RNF121: variants seen among roughly 807,000 people sequenced by gnomAD.
RNF121 encodes ring finger protein 121.
A neutral mutation model predicts 46.5 loss-of-function variants in RNF121; 21 were observed. The observed-to-expected ratio is 0.45, with a 90% CI of 0.32 to 0.65. The LOEUF is 0.65. RNF121 is among the 30% of genes least tolerant of loss of function. The pLI, the probability that RNF121 is intolerant of heterozygous loss-of-function variation, is 0.04. For missense variants in RNF121, 346 were observed against 416.0 expected (o/e 0.83, Z 1.46); for synonymous variants, 139 against 144.7 (o/e 0.96, Z 0.28).
In RNF121 at chr11:71,981,680, T is replaced by A. The variant is rs1554990982; in HGVS notation, c.244-1081T>A. Among the ~76,000 whole-genome samples, 5 of 152,190 alleles carry A rather than the reference T, an allele frequency of 3.3e-5. 1 individual carries two copies. The South Asian group carries it at 1.0e-3, about 32-fold the overall frequency. On this transcript the variant is annotated intron_variant, in intron 3 of 8. Coordinates refer to ENST00000361756, the MANE Select transcript of RNF121 (RefSeq NM_018320.5). ...TCAGCTAACAAGTCTGAGGGAAGGC[T>A]CTGAAGGAGGGAGAGTAAAACAGGC...
chr11:71,959,269 C>G (rs1954069469), intron 2 of RNF121, among the ~76,000 whole-genome samples: 1 of 152,138 alleles, frequency 6.6e-6, no homozygotes, highest in Non-Finnish European at 1.5e-5. Context: ...CCAAGTTTTC[C>G]CCCCTTACAT....
chr11:71,944,251 T>G (rs1306538399), intron 1 of RNF121, among the ~76,000 whole-genome samples: 1 of 152,096 alleles, frequency 6.6e-6, no homozygotes, highest in Admixed American at 6.6e-5. Context: ...GAGAATCACT[T>G]AAAGCTAGGA....
At chr11:71,969,974 T>TA (rs1222170766) in intron 3 of RNF121, among the ~76,000 whole-genome samples, 1 of 152,208 alleles carries the variant, frequency 6.6e-6, no homozygotes, top group Non-Finnish European at 1.5e-5. Flanking sequence ...CATAGCTAGA[T>TA]ATAAGTAATT....
At chr11:71,994,552 A>G (rs1954933907) in intron 6 of RNF121, among the ~76,000 whole-genome samples, 167 bp from the exon 7 acceptor site, 3 of 151,954 alleles carry the variant, frequency 2.0e-5, no homozygotes, top group South Asian at 2.1e-4. Flanking sequence ...GACTTGTAAA[A>G]GATTACCTTT....
At chr11:71,991,627 A>G (rs936439945) in intron 6 of RNF121, among the ~76,000 whole-genome samples, 4 of 152,162 alleles carry the variant, frequency 2.6e-5, no homozygotes, top group Non-Finnish European at 5.9e-5. Flanking sequence ...GACTTGAACA[A>G]TGAATAGCAG....
At chr11:71,975,930 A>G (rs1307163799) in intron 3 of RNF121, among the ~76,000 whole-genome samples, 1 of 152,174 alleles carries the variant, frequency 6.6e-6, no homozygotes, top group Non-Finnish European at 1.5e-5. Flanking sequence ...GGCCTGACTT[A>G]TGTGGTAAGG....
At chr11:71,952,865 C>T (rs567752306) in intron 1 of RNF121, among the ~76,000 whole-genome samples, 7 of 152,224 alleles carry the variant, frequency 4.6e-5, no homozygotes, top group Admixed American at 3.9e-4. Context: ...AGTAACTTAT[C>T]GATCACCTCA....
chr11:71,984,576 G>A (rs896983269), intron 4 of RNF121, among the ~76,000 whole-genome samples: 10 of 150,610 alleles, frequency 6.6e-5, no homozygotes, highest in Non-Finnish European at 7.4e-5. Context: ...CACCGTGCCT[G>A]GCCAGTAACT....
chr11:71,995,421 C>T (rs997431815), intron 7 of RNF121, 29 bp from the exon 8 acceptor site: 17 of 1,550,944 alleles, frequency 1.1e-5, no homozygotes, highest in Non-Finnish European at 1.5e-5. Context: ...CCCTGGCTCT[C>T]ACCATTTCCC....
intron 1 of RNF121, among the ~76,000 whole-genome samples, chr11:71,946,795 C>T (rs1953733551): frequency 6.6e-6 from 1 of 151,262 alleles, no homozygotes; most frequent in African/African-American, 2.4e-5. Flanking sequence ...TCACTGCAGC[C>T]TCTGCCTCCC....
chr11:71,947,314 C>T (rs1953750457), intron 1 of RNF121, among the ~76,000 whole-genome samples: 2 of 152,004 alleles, frequency 1.3e-5, no homozygotes, highest in Middle Eastern at 6.8e-3. Context: ...TTGTAGAGAC[C>T]TCATCTTTAC....
intron 6 of RNF121, among the ~76,000 whole-genome samples, chr11:71,992,096 G>T (rs942677434): frequency 6.6e-6 from 1 of 152,110 alleles, no homozygotes; most frequent in Admixed American, 6.5e-5. Flanking sequence ...AGAGCAAGAC[G>T]TTGTCTCTAA....
At chr11:71,957,084 A>C in intron 1 of RNF121, 143 bp from the exon 2 acceptor site, 2 of 726,870 alleles carry the variant, frequency 2.8e-6, no homozygotes, top group Non-Finnish European at 5.1e-6. Context: ...TGTGAAATAG[A>C]ATGGTTGGTA....
Position 71,990,726 on chromosome 11 carries a change from A to T in RNF121, c.627+9A>T, listed in dbSNP as rs944274234. The T allele has an allele frequency of 6.2e-7, 1 of 1,612,790 alleles. No homozygotes were observed. The highest frequency in any genetic ancestry group is 1.7e-5 in the Admixed American group (1 of 59,618). ...TGGCATCTACCATAGGGGTAAGTTCATCCGGGTTCTTAAATACTGCTTCTT... is the reference window on the plus strand; with the variant it reads ...TGGCATCTACCATAGGGGTAAGTTCTTCCGGGTTCTTAAATACTGCTTCTT... On this transcript the variant is annotated intron_variant, in intron 6 of 8. Transcript: ENST00000361756.
At chr11:71,948,282 G>C (rs1280642519) in intron 1 of RNF121, among the ~76,000 whole-genome samples, 1 of 152,082 alleles carries the variant, frequency 6.6e-6, no homozygotes, top group South Asian at 2.1e-4. Context: ...TTGAGAGGCC[G>C]AGGCAGTTGG....
intron 1 of RNF121, among the ~76,000 whole-genome samples, chr11:71,931,750 A>G (rs1039031913): frequency 3.7e-4 from 56 of 152,304 alleles, no homozygotes; most frequent in African/African-American, 1.3e-3. Flanking sequence ...AGGGGGAGTC[A>G]GTAAAGTCTT....
intron 1 of RNF121, among the ~76,000 whole-genome samples, chr11:71,956,941 T>G (rs1248123116): frequency 6.6e-6 from 1 of 152,252 alleles, no homozygotes; most frequent in African/African-American, 2.4e-5. Context: ...CGTCTGTCTT[T>G]CTCACTAGTC....
chr11:71,958,140 G>A (rs1954036570), intron 2 of RNF121, among the ~76,000 whole-genome samples: 1 of 152,144 alleles, frequency 6.6e-6, no homozygotes, highest in Non-Finnish European at 1.5e-5. Flanking sequence ...TGCCACTGTG[G>A]TCTGCTCTGC....
chr11:71,944,273 C>T (rs1953661645), intron 1 of RNF121, among the ~76,000 whole-genome samples: 1 of 152,082 alleles, frequency 6.6e-6, no homozygotes, highest in African/African-American at 2.4e-5. Flanking sequence ...GTGGAGGTTG[C>T]AGTGAGCCGA....
Sources: allele counts gnomAD v4.1 joint callset (sites outside exome capture counted in the v4.1 genomes callset), GRCh38; gene constraint gnomAD v4.1.1; transcripts MANE v1.5; gene names NCBI Gene and HGNC (gene_info 2026-07-23, HGNC 2026-07-21).